The following FNDC3B variants were observed in gnomAD, a reference collection of about 807,000 sequenced individuals.
FNDC3B encodes the protein fibronectin type III domain containing 3B, also known as fibronectin type III domain-containing protein 3B.
Under a neutral mutation model 151.5 loss-of-function variants are expected in FNDC3B, and 12 were observed. The observed-to-expected ratio is 0.08, with a 90% CI of 0.05 to 0.13. FNDC3B has a LOEUF of 0.13. FNDC3B is among the 10% of genes least tolerant of loss of function. The probability of loss-of-function intolerance (pLI) is 1.00; values close to 1 mark genes in which losing one functional copy is unlikely to be tolerated. For missense variants in FNDC3B, 1,214 were observed against 1,505.3 expected, an observed-to-expected ratio of 0.81 and a Z score of 3.20; for synonymous variants, 528 against 549.0, an observed-to-expected ratio of 0.96 and a Z score of 0.54.
chr3:172,082,819 A>C (rs1431132808), intron 1 of FNDC3B, among the ~76,000 whole-genome samples: 1 of 152,166 alleles, frequency 6.6e-6, no homozygotes, highest in African/African-American at 2.4e-5. Flanking sequence ...AGGGTAGAAG[A>C]CTGGATTGGA....
intron 2 of FNDC3B, among the ~76,000 whole-genome samples, chr3:172,121,574 A>C (rs6774098): frequency 0.021 from 3,165 of 152,370 alleles, 110 homozygotes; most frequent in African/African-American, 0.073. Context: ...GCAAGGTAAA[A>C]GCAGTCCAAG....
chr3:172,277,572 C>A (rs1405186450), intron 6 of FNDC3B, among the ~76,000 whole-genome samples: 1 of 152,148 alleles, frequency 6.6e-6, no homozygotes. Context: ...GGGAGGGCAC[C>A]AAGCATTTAG....
rs529070174 is a variant in FNDC3B, at chr3:172,381,206, A to C, written c.3303+113A>C. 1.5e-5 allele frequency: 18 copies of C among 1,173,998 alleles called. No homozygotes were observed. In the Admixed American group the frequency reaches 3.5e-4, roughly 23 times the overall value. 72.7% of individuals were successfully genotyped at this position (1,173,998 alleles called of 1,614,324 possible). A position where few individuals can be genotyped will look rare whatever the true frequency, so the allele number is the denominator to read the frequency against. The stretch of plus-strand genomic sequence containing the variant: ...TGTTTTTCTTAAAATCAGTGATAGA[A>C]ACTGCCTAACTTGTACTTATTGTAT... On this transcript the variant is annotated intron_variant, in intron 25 of 25. Coordinates refer to ENST00000415807, the MANE Select transcript of FNDC3B (RefSeq NM_022763.4).
intron 3 of FNDC3B, among the ~76,000 whole-genome samples, chr3:172,203,701 A>G (rs1201158954): frequency 6.6e-6 from 1 of 152,192 alleles, no homozygotes; most frequent in Non-Finnish European, 1.5e-5. Context: ...GGGGAGAGAC[A>G]TCCCATGAGA....
intron 1 of FNDC3B, among the ~76,000 whole-genome samples, chr3:172,096,820 A>G (rs1032619963): frequency 1.3e-5 from 2 of 152,192 alleles, no homozygotes; most frequent in African/African-American, 4.8e-5. Flanking sequence ...ATTATACGCT[A>G]TAACGCATAG....
intron 11 of FNDC3B, among the ~76,000 whole-genome samples, chr3:172,312,598 AT>A (rs59940625): frequency 0.2 from 29,512 of 147,778 alleles, 3,136 homozygotes; most frequent in South Asian, 0.3. Context: ...CAGAAAAGGC[AT>A]TTTTTTTTTC....
chr3:172,359,611 C>T (rs1734270479), intron 22 of FNDC3B, among the ~76,000 whole-genome samples: 1 of 152,162 alleles, frequency 6.6e-6, no homozygotes, highest in African/African-American at 2.4e-5. Context: ...TAATTTCTAC[C>T]ATCATGATGA....
intron 25 of FNDC3B, among the ~76,000 whole-genome samples, chr3:172,391,476 A>G (rs1439565352): frequency 6.6e-6 from 1 of 152,172 alleles, no homozygotes; most frequent in African/African-American, 2.4e-5. Context: ...TGCTTGAGAA[A>G]AGTCTGCTTA....
At chr3:172,354,685 A>G (rs958094694) in intron 22 of FNDC3B, among the ~76,000 whole-genome samples, 3 of 151,902 alleles carry the variant, frequency 2.0e-5, no homozygotes, top group African/African-American at 7.2e-5. Context: ...CAAAATGAGT[A>G]TTTCAGGGAA....
At chr3:172,391,535 GCA>G (rs1413914206) in intron 25 of FNDC3B, among the ~76,000 whole-genome samples, 1 of 152,158 alleles carries the variant, frequency 6.6e-6, no homozygotes, top group Non-Finnish European at 1.5e-5. Flanking sequence ...TCCCAGGATT[GCA>G]CAGAGAAAAA....
At chr3:172,265,624 A>G (rs545148670) in intron 6 of FNDC3B, among the ~76,000 whole-genome samples, 2 of 152,324 alleles carry the variant, frequency 1.3e-5, no homozygotes, top group African/African-American at 2.4e-5. Context: ...CAATTATGTT[A>G]TTATACTTTA....
chr3:172,325,001 G>A (rs1732271032), intron 11 of FNDC3B, among the ~76,000 whole-genome samples: 1 of 152,176 alleles, frequency 6.6e-6, no homozygotes, highest in South Asian at 2.1e-4. Context: ...CCCAGGCCCT[G>A]GCAGCCCCTT....
At chr3:172,071,673 C>T (rs910911312) in intron 1 of FNDC3B, among the ~76,000 whole-genome samples, 1 of 151,972 alleles carries the variant, frequency 6.6e-6, no homozygotes, top group East Asian at 1.9e-4. Context: ...TCTCAAATAC[C>T]TCAAGACAGC....
rs950885539 is a variant in FNDC3B, at chr3:172,399,496, C to T, written c.*2021C>T. 6.6e-6 allele frequency: 1 copy of T among 152,488 alleles called. No individual in the cohort carries two copies. The allele number at this position is 152,488 out of a possible 1,614,324, so 9.4% of individuals were successfully genotyped here. On this transcript the variant is annotated 3_prime_UTR_variant, in exon 26 of 26. Coordinates refer to ENST00000415807, the MANE Select transcript of FNDC3B (RefSeq NM_022763.4). Reference sequence around the variant, plus strand: ...TGAGATCAATGAATTATTCTGTGTGCCTATATTGACGTAGTGAGTACTAGA... The same window carrying T: ...TGAGATCAATGAATTATTCTGTGTGTCTATATTGACGTAGTGAGTACTAGA...
At chr3:172,393,724 A>G (rs1736133858) in intron 25 of FNDC3B, among the ~76,000 whole-genome samples, 1 of 152,250 alleles carries the variant, frequency 6.6e-6, no homozygotes, top group Admixed American at 6.5e-5. Context: ...GGAAATAAAA[A>G]ACATACTTCT....
intron 3 of FNDC3B, among the ~76,000 whole-genome samples, chr3:172,156,822 C>A (rs553514922): frequency 2.6e-5 from 4 of 151,644 alleles, no homozygotes; most frequent in Non-Finnish European, 5.9e-5. Flanking sequence ...CAGGTCAAAT[C>A]ACTTATCCTT....
chr3:172,197,310 A>G (rs1323089901), intron 3 of FNDC3B, among the ~76,000 whole-genome samples: 4 of 152,222 alleles, frequency 2.6e-5, no homozygotes, highest in Non-Finnish European at 5.9e-5. Flanking sequence ...GCTAACCCCA[A>G]CTTAGTTTAG....
chr3:172,189,383 T>C (rs1428671209), intron 3 of FNDC3B, among the ~76,000 whole-genome samples: 1 of 152,166 alleles, frequency 6.6e-6, no homozygotes, highest in Non-Finnish European at 1.5e-5. Flanking sequence ...TGCTTTTCAT[T>C]CCAAATTTTC....
Position 172,341,222 on chromosome 3 carries a change from A to C in FNDC3B, c.1962A>C (p.Gly654=). ...KLRACCISTG[G]HSQCSESLPV... is the part of the protein sequence containing the mutation. ...GAGCATGCTGCATCAGTACCGGCGGACACAGCCAGGTTGGTTTTGTTTCCA... is the reference window on the plus strand; with the variant it reads ...GAGCATGCTGCATCAGTACCGGCGGCCACAGCCAGGTTGGTTTTGTTTCCA... Residue 654 remains glycine, a synonymous_variant, in exon 17 of 26, where the codon GGA becomes GGC. Coordinates refer to ENST00000415807, the MANE Select transcript of FNDC3B (RefSeq NM_022763.4). 1 of 1,613,598 alleles carries C rather than the reference A, an allele frequency of 6.2e-7. No individual in the cohort carries two copies. Among genetic ancestry groups the C allele is most frequent in the African/African-American group, 1.3e-5 (1 of 75,036 alleles).
Sources: allele counts gnomAD v4.1 joint callset (sites outside exome capture counted in the v4.1 genomes callset), GRCh38; gene constraint gnomAD v4.1.1; transcripts MANE v1.5; gene names NCBI Gene and HGNC (gene_info 2026-07-23, HGNC 2026-07-21).